The following NBAS variants were observed in gnomAD, a reference collection of about 807,000 sequenced individuals.
NBAS encodes NBAS subunit of NRZ tethering complex.
NBAS carries 219 observed loss-of-function variants against 302.5 expected under a neutral mutation model. The observed-to-expected ratio is 0.72, with a 90% CI of 0.65 to 0.81. The LOEUF is 0.81. Ranked by LOEUF, NBAS falls within the 30% of genes least tolerant of loss-of-function variation. NBAS has a pLI of 0.00. For synonymous variants in NBAS, 1,118 were observed against 1,021.6 expected (o/e 1.09, Z -1.80); for missense variants, 2,932 against 2,841.6 (o/e 1.03, Z -0.72).
chr2:14,859,632 A>C, the NBAS span, among the ~76,000 whole-genome samples: 284 of 152,286 alleles, frequency 1.9e-3, no homozygotes, highest in African/African-American at 6.6e-3. Context: ...GGATATTCAT[A>C]TGCAAAAGAA....
intron 7 of NBAS, among the ~76,000 whole-genome samples, chr2:15,537,212 C>G (rs12986655): frequency 0.023 from 3,557 of 152,272 alleles, 62 homozygotes; most frequent in Non-Finnish European, 0.037. Flanking sequence ...AGGAAAAATT[C>G]TTTGCCCTCC....
chr2:14,816,597 G>A, the NBAS span, among the ~76,000 whole-genome samples: 5,208 of 152,270 alleles, frequency 0.034, 144 homozygotes, highest in Non-Finnish European at 0.05. Flanking sequence ...AGAGTTCCAT[G>A]TATGTTTTAA....
chr2:15,276,699 G>C lies in NBAS; in HGVS notation c.5389+152C>G, dbSNP rs1669596652. 3 of 1,160,484 alleles carry C rather than the reference G, an allele frequency of 2.6e-6. No homozygotes were observed. The African/African-American group carries it at 4.7e-5, about 18-fold the overall frequency. The allele number at this position is 1,160,484 out of a possible 1,614,324, so 71.9% of individuals were successfully genotyped here. A position where few individuals can be genotyped will look rare whatever the true frequency, so the allele number is the denominator to read the frequency against. On this transcript the variant is annotated intron_variant, in intron 43 of 51. Transcript: ENST00000281513. ...AATTCCCTCAACTATAAGTGAAAGA[G>C]TTGGAAAGATAATAACTAAAGTCGA...
chr2:15,447,281 T>A (rs185748466), intron 21 of NBAS, among the ~76,000 whole-genome samples: 15 of 152,348 alleles, frequency 9.8e-5, no homozygotes, highest in Admixed American at 9.2e-4. Context: ...TAAATAACAC[T>A]TTAAATTGTT....
At chr2:15,326,042 A>G (rs1023698979) in intron 38 of NBAS, among the ~76,000 whole-genome samples, 1 of 152,214 alleles carries the variant, frequency 6.6e-6, no homozygotes, top group African/African-American at 2.4e-5. Context: ...AAACACACAC[A>G]ACATTTATCA....
At chr2:15,287,548 C>T (rs1382462928) in intron 41 of NBAS, among the ~76,000 whole-genome samples, 2 of 152,158 alleles carry the variant, frequency 1.3e-5, no homozygotes, top group Admixed American at 6.5e-5. Flanking sequence ...TGCTGCTGAG[C>T]ATCCTGCATA....
chr2:14,786,953 G>T, the NBAS span, among the ~76,000 whole-genome samples: 1 of 152,164 alleles, frequency 6.6e-6, no homozygotes, highest in African/African-American at 2.4e-5. Context: ...TTGTGTGGGA[G>T]TCTAAGCCTC....
chr2:15,213,385 G>T (rs1418181412), intron 48 of NBAS, among the ~76,000 whole-genome samples: 1 of 152,112 alleles, frequency 6.6e-6, no homozygotes, highest in South Asian at 2.1e-4. Flanking sequence ...ACCATGTATC[G>T]AGACGTGACA....
At chr2:15,253,112 A>G (rs73194977) in intron 44 of NBAS, among the ~76,000 whole-genome samples, 4,363 of 152,228 alleles carry the variant, frequency 0.029, 177 homozygotes, top group African/African-American at 0.094. Flanking sequence ...AGAATGTTCT[A>G]AGGCTGTAAC....
chr2:15,197,216 T>C (rs1002859898), intron 48 of NBAS, among the ~76,000 whole-genome samples: 2 of 152,200 alleles, frequency 1.3e-5, no homozygotes, highest in Non-Finnish European at 2.9e-5. Flanking sequence ...ATTTAGTGGC[T>C]ATTAGGTAGG....
At chr2:14,789,383 G>A in the NBAS span, among the ~76,000 whole-genome samples, 41 of 152,110 alleles carry the variant, frequency 2.7e-4, no homozygotes, top group Non-Finnish European at 5.0e-4. Context: ...AGATGAACCC[G>A]GTACCTCAGA....
chr2:15,022,233 C>A, the NBAS span, among the ~76,000 whole-genome samples: 2 of 152,094 alleles, frequency 1.3e-5, no homozygotes, highest in Non-Finnish European at 2.9e-5. Flanking sequence ...TATGAGGATT[C>A]GATGAACTAA....
the NBAS span, among the ~76,000 whole-genome samples, chr2:14,920,169 A>G: frequency 6.6e-6 from 1 of 152,238 alleles, no homozygotes; most frequent in Non-Finnish European, 1.5e-5. Context: ...GCATGAAAAC[A>G]ACATTAATCT....
At chr2:15,366,770 C>T (rs1440963661) in intron 31 of NBAS, 77 bp from the exon 32 acceptor site, 6 of 1,334,336 alleles carry the variant, frequency 4.5e-6, no homozygotes, top group Non-Finnish European at 6.5e-6. Flanking sequence ...TAATGCAAGG[C>T]ATCCAAAGAA....
chr2:15,330,341 T>G (rs926517146), intron 36 of NBAS, among the ~76,000 whole-genome samples: 2 of 152,228 alleles, frequency 1.3e-5, no homozygotes, highest in African/African-American at 2.4e-5. Context: ...AATTTTTCTT[T>G]TCATCACACT....
chr2:15,386,415 A>G (rs965658222), intron 28 of NBAS, among the ~76,000 whole-genome samples: 2 of 152,228 alleles, frequency 1.3e-5, no homozygotes, highest in African/African-American at 4.8e-5. Context: ...AAATCCTAAA[A>G]TTTAGGTAAA....
At chr2:14,790,478 C>A in the NBAS span, among the ~76,000 whole-genome samples, 1 of 152,142 alleles carries the variant, frequency 6.6e-6, no homozygotes, top group African/African-American at 2.4e-5. Context: ...TGAAATACTT[C>A]AGATTTCTTT....
downstream of NBAS, among the ~76,000 whole-genome samples, chr2:15,165,557 C>T (rs533696391): frequency 9.1e-4 from 138 of 152,228 alleles, 1 homozygote; most frequent in South Asian, 8.7e-3. Flanking sequence ...TCTAGAGGAG[C>T]GGAAATGAGG....
In NBAS at chr2:15,474,339, G is replaced by C. The variant is rs1318437819; in HGVS notation, c.1342-15C>G. On this transcript the variant is annotated splice_polypyrimidine_tract_variant and intron_variant, in intron 14 of 51. Coordinates refer to ENST00000281513, the MANE Select transcript of NBAS (RefSeq NM_015909.4). ...TTAATCTCACACTAAATTGAAAAAGGAGATTTGAAGTTAATAGTAAGGAAA... is the reference window on the plus strand; with the variant it reads ...TTAATCTCACACTAAATTGAAAAAGCAGATTTGAAGTTAATAGTAAGGAAA... 6.2e-7 allele frequency: 1 copy of C among 1,604,392 alleles called. No individual in the cohort carries two copies. Among genetic ancestry groups the C allele is most frequent in the Admixed American group, 1.7e-5 (1 of 59,116 alleles).
Sources: gnomAD v4.1 joint callset for allele counts (sites outside exome capture counted in the v4.1 genomes callset) on GRCh38, gnomAD v4.1.1 for gene constraint, MANE v1.5 for transcripts, NCBI Gene and HGNC (gene_info 2026-07-23, HGNC 2026-07-21) for gene names.